The following CPA6 variants were observed in gnomAD, a reference collection of about 807,000 sequenced individuals.
CPA6 encodes carboxypeptidase B.
CPA6 carries 58 observed loss-of-function variants against 63.3 expected under a neutral mutation model. The ratio of observed to expected loss-of-function variants is 0.92; its 90% CI spans 0.74 to 1.14. The LOEUF is 1.14. CPA6 is among the 50% of genes most tolerant of loss of function. CPA6 has a pLI of 0.00. For synonymous variants in CPA6, 185 were observed against 179.0 expected (o/e 1.03, Z -0.27); for missense variants, 565 against 526.6 (o/e 1.07, Z -0.71).
intron 2 of CPA6, among the ~76,000 whole-genome samples, chr8:67,615,467 T>C (rs779385881): frequency 2.0e-5 from 3 of 152,158 alleles, no homozygotes; most frequent in Non-Finnish European, 4.4e-5. Context: ...CTCCAATATT[T>C]GTAATTTTCA....
chr8:67,483,904 G>C, intron 7 of CPA6, 46 bp from the exon 8 acceptor site: 1 of 1,463,386 alleles, frequency 6.8e-7, no homozygotes, highest in Non-Finnish European at 9.6e-7. Context: ...TACTTAAAAG[G>C]TTATTCGCAT....
intron 8 of CPA6, among the ~76,000 whole-genome samples, chr8:67,472,095 A>G (rs1300839107): frequency 6.6e-6 from 1 of 152,250 alleles, no homozygotes; most frequent in African/African-American, 2.4e-5. Context: ...TGGAAAAGGT[A>G]TTAGTAGGTA....
At chr8:67,517,745 C>T (rs1230852524) in intron 3 of CPA6, among the ~76,000 whole-genome samples, 178 bp downstream of exon 3, 4 of 152,174 alleles carry the variant, frequency 2.6e-5, no homozygotes, top group Non-Finnish European at 5.9e-5. Flanking sequence ...ATCGTTGCTC[C>T]CATCCCCCAT....
chr8:67,582,564 T>A (rs183706726), intron 2 of CPA6, among the ~76,000 whole-genome samples: 131 of 152,334 alleles, frequency 8.6e-4, no homozygotes, highest in African/African-American at 2.9e-3. Context: ...ATAGCCCTGT[T>A]ATGAATGCCT....
intron 9 of CPA6, among the ~76,000 whole-genome samples, chr8:67,432,330 G>A (rs1221175417): frequency 6.6e-6 from 1 of 152,216 alleles, no homozygotes; most frequent in Admixed American, 6.5e-5. Context: ...GGTTTGGAGA[G>A]CGTTTGGATT....
chr8:67,724,623 A>G (rs1045272063), intron 1 of CPA6, among the ~76,000 whole-genome samples: 8 of 152,252 alleles, frequency 5.3e-5, no homozygotes, highest in Non-Finnish European at 1.0e-4. Context: ...CCACACACAT[A>G]GATGAGGAAC....
intron 5 of CPA6, among the ~76,000 whole-genome samples, chr8:67,507,481 T>C (rs945838317): frequency 2.4e-4 from 37 of 152,186 alleles, no homozygotes; most frequent in African/African-American, 2.4e-5. Flanking sequence ...ATATCAATAT[T>C]ACTTTTAACC....
chr8:67,553,265 T>C (rs1453055810), intron 2 of CPA6, among the ~76,000 whole-genome samples: 1 of 152,192 alleles, frequency 6.6e-6, no homozygotes, highest in Non-Finnish European at 1.5e-5. Context: ...CATCTTAAAA[T>C]TGGTAAAACA....
intron 2 of CPA6, among the ~76,000 whole-genome samples, chr8:67,539,086 A>G (rs1812650992): frequency 6.6e-6 from 1 of 152,198 alleles, no homozygotes; most frequent in South Asian, 2.1e-4. Flanking sequence ...CAGTTTCTTC[A>G]TAATGTTGAT....
chr8:67,473,861 C>A (rs550490135), intron 8 of CPA6, among the ~76,000 whole-genome samples: 415 of 152,170 alleles, frequency 2.7e-3, no homozygotes, highest in Non-Finnish European at 4.5e-3. Flanking sequence ...CCTGCCTAGG[C>A]CTCCCAAAGT....
chr8:67,729,820 C>T (rs1817672707), intron 1 of CPA6, among the ~76,000 whole-genome samples: 1 of 152,102 alleles, frequency 6.6e-6, no homozygotes, highest in Admixed American at 6.5e-5. Context: ...CTTGAACTGC[C>T]CAAGCAAAAC....
intron 5 of CPA6, among the ~76,000 whole-genome samples, chr8:67,509,082 C>T (rs1328057032): frequency 6.6e-6 from 1 of 152,062 alleles, no homozygotes; most frequent in Non-Finnish European, 1.5e-5. Flanking sequence ...ACAACCAGAT[C>T]TCATGAGAAC....
intron 8 of CPA6, chr8:67,452,170 T>C (rs1325706468): frequency 2.0e-5 from 3 of 152,158 alleles, no homozygotes; most frequent in Non-Finnish European, 2.9e-5. Flanking sequence ...AGGAAGGTTT[T>C]AAGGAACATG....
At chr8:67,533,839 C>T (rs1170721103) in intron 2 of CPA6, among the ~76,000 whole-genome samples, 4 of 152,202 alleles carry the variant, frequency 2.6e-5, no homozygotes, top group Admixed American at 1.3e-4. Flanking sequence ...CTCTGAAGCA[C>T]TGGCCCAGGG....
intron 6 of CPA6, among the ~76,000 whole-genome samples, chr8:67,495,048 G>A (rs542666929): frequency 6.6e-6 from 1 of 152,204 alleles, no homozygotes; most frequent in African/African-American, 2.4e-5. Flanking sequence ...CAGTATCCAC[G>A]GTGTCTTAAC....
At chr8:67,461,780 C>T (rs980889639) in intron 8 of CPA6, among the ~76,000 whole-genome samples, 1 of 152,124 alleles carries the variant, frequency 6.6e-6, no homozygotes, top group Admixed American at 6.5e-5. Context: ...CAGAGGCGCC[C>T]CTCACCTCCC....
chr8:67,607,106 T>C (rs894507706), intron 2 of CPA6, among the ~76,000 whole-genome samples: 1 of 77,786 alleles, frequency 1.3e-5, no homozygotes, highest in African/African-American at 8.4e-5. Flanking sequence ...TTCTTCTTCT[T>C]TCCTCCTCCT....
chr8:67,678,599 C>T (rs910731832), intron 1 of CPA6, among the ~76,000 whole-genome samples: 21 of 152,144 alleles, frequency 1.4e-4, no homozygotes, highest in African/African-American at 5.1e-4. Context: ...AGAGGAAAGG[C>T]TCAAATGAAA....
At chr8:67,735,593 T>C (rs190937365) in intron 1 of CPA6, 1 of 152,240 alleles carries the variant, frequency 6.6e-6, no homozygotes, top group East Asian at 1.9e-4. Context: ...ATAACTTACC[T>C]AATATAATAC....
Sources: allele counts gnomAD v4.1 joint callset (sites outside exome capture counted in the v4.1 genomes callset), GRCh38; gene constraint gnomAD v4.1.1; transcripts MANE v1.5; gene names NCBI Gene and HGNC (gene_info 2026-07-23, HGNC 2026-07-21).